MYRIP: variants seen among roughly 807,000 people sequenced by gnomAD.
MYRIP encodes the protein myosin VIIA and Rab interacting protein.
In MYRIP, 49 loss-of-function variants were observed where a neutral mutation model predicts 98.0. The observed-to-expected ratio is 0.50, with a 90% confidence interval of 0.40 to 0.63. MYRIP has a LOEUF of 0.63. Among genes scored for constraint, MYRIP ranks in the 30% least tolerant of loss-of-function variants. The probability of loss-of-function intolerance (pLI) is 0.00; values close to 1 mark genes in which losing one functional copy is unlikely to be tolerated. For missense variants in MYRIP, 1,004 were observed against 1,058.2 expected, an observed-to-expected ratio of 0.95 and a Z score of 0.71; for synonymous variants, 404 against 409.5, an observed-to-expected ratio of 0.99 and a Z score of 0.16.
chr3:40,225,937 G>A (rs1173278107), intron 11 of MYRIP, among the ~76,000 whole-genome samples: 3 of 152,020 alleles, frequency 2.0e-5, no homozygotes. Context: ...CCCTGTTAAC[G>A]TTTCCTGTTA....
chr3:39,888,041 A>C (rs958158334), intron 1 of MYRIP, among the ~76,000 whole-genome samples: 1 of 151,718 alleles, frequency 6.6e-6, no homozygotes, highest in Non-Finnish European at 1.5e-5. Flanking sequence ...ATACAAACAA[A>C]TGGAAGAACA....
At chr3:40,016,985 T>G (rs1262353197) in intron 2 of MYRIP, among the ~76,000 whole-genome samples, 1 of 152,222 alleles carries the variant, frequency 6.6e-6, no homozygotes, top group Non-Finnish European at 1.5e-5. Context: ...GTTCTTGAAC[T>G]CCACATGCAA....
intron 3 of MYRIP, among the ~76,000 whole-genome samples, chr3:40,118,913 C>T (rs1949339805): frequency 6.6e-6 from 1 of 151,824 alleles, no homozygotes; most frequent in African/African-American, 2.4e-5. Context: ...ATGAACTCAT[C>T]CTTTTTTATG....
chr3:40,156,244 T>C (rs1448397050), intron 4 of MYRIP, among the ~76,000 whole-genome samples: 1 of 152,142 alleles, frequency 6.6e-6, no homozygotes, highest in East Asian at 1.9e-4. Context: ...ATTTATTAAA[T>C]AGGGAATCCT....
chr3:40,097,211 C>T, intron 3 of MYRIP, among the ~76,000 whole-genome samples: 1 of 152,214 alleles, frequency 6.6e-6, no homozygotes, highest in South Asian at 2.1e-4. Flanking sequence ...CTCACAACAA[C>T]TCTATAAGGC....
At chr3:40,185,123 T>C (rs1014264798) in intron 9 of MYRIP, among the ~76,000 whole-genome samples, 4 of 152,146 alleles carry the variant, frequency 2.6e-5, no homozygotes, top group African/African-American at 9.7e-5. Context: ...TCTTAGAAAG[T>C]GAATGCCCAC....
At chr3:39,824,613 A>AT (rs1231268401) in intron 1 of MYRIP, among the ~76,000 whole-genome samples, 1 of 149,692 alleles carries the variant, frequency 6.7e-6, no homozygotes, top group Admixed American at 6.6e-5. Flanking sequence ...ATTTTGTTTT[A>AT]TTTTTTGTAG....
chr3:39,911,956 CCTGA>C (rs1458559351), intron 2 of MYRIP, among the ~76,000 whole-genome samples: 1 of 152,204 alleles, frequency 6.6e-6, no homozygotes, highest in Non-Finnish European at 1.5e-5. Context: ...ACAACCTCTC[CCTGA>C]CTGTCAGGGT....
At chr3:40,108,174 T>A (rs1949087041) in intron 3 of MYRIP, among the ~76,000 whole-genome samples, 1 of 138,204 alleles carries the variant, frequency 7.2e-6, no homozygotes, top group African/African-American at 2.7e-5. Context: ...GCAGTGTTTG[T>A]GAGAGAGAGA....
At chr3:40,108,363 T>C (rs925945693) in intron 3 of MYRIP, among the ~76,000 whole-genome samples, 10 of 149,998 alleles carry the variant, frequency 6.7e-5, no homozygotes, top group Non-Finnish European at 1.5e-4. Flanking sequence ...TGATGGGGTC[T>C]GTAGGGGTCT....
chr3:39,977,463 C>T (rs1266572849), intron 2 of MYRIP, among the ~76,000 whole-genome samples: 1 of 152,188 alleles, frequency 6.6e-6, no homozygotes. Flanking sequence ...CCAGTGTATT[C>T]TCTGATGCAT....
intron 3 of MYRIP, among the ~76,000 whole-genome samples, chr3:40,087,061 A>T (rs1158979013): frequency 6.6e-6 from 1 of 152,054 alleles, no homozygotes; most frequent in Non-Finnish European, 1.5e-5. Flanking sequence ...GTGGGCGAAC[A>T]TATTACCACA....
At chr3:40,129,925 T>C (rs1949604143) in intron 3 of MYRIP, among the ~76,000 whole-genome samples, 1 of 152,234 alleles carries the variant, frequency 6.6e-6, no homozygotes, top group South Asian at 2.1e-4. Flanking sequence ...TACACATGTT[T>C]ACAAATTTAC....
At chr3:40,163,346 C>A (rs951674791) in intron 5 of MYRIP, among the ~76,000 whole-genome samples, 1 of 152,066 alleles carries the variant, frequency 6.6e-6, no homozygotes, top group Non-Finnish European at 1.5e-5. Context: ...ACTCTCTATT[C>A]TCTCTTTGGG....
rs1425838995 is a variant in MYRIP at position 40,190,369 on chromosome 3, C to T, written c.1571C>T (p.Ala524Val). 1 of 1,613,818 alleles carries T rather than the reference C, an allele frequency of 6.2e-7. No homozygotes were observed. ...EEAPHTTDRR[A>V]RRWRRARLGS... ...GCCCCCCACACCACAGACCGGCGGG[C>T]CAGGAGGTGGAGAAGAGCCCGACTG... Residue 524 changes from alanine (A) to valine (V), a missense_variant, in exon 10 of 17, where the codon GCC (alanine) becomes GTC (valine). Physicochemically the swap from Ala to Val is moderately conservative, Grantham distance 64 (BLOSUM62 0). Around this residue, in one of 3 missense-constraint regions of MYRIP, gnomAD observed 880 missense variants for 907.7 expected, o/e 0.97. Transcript: ENST00000302541.
At chr3:40,021,252 G>C (rs1320581687) in intron 2 of MYRIP, among the ~76,000 whole-genome samples, 2 of 152,062 alleles carry the variant, frequency 1.3e-5, no homozygotes, top group African/African-American at 2.4e-5. Flanking sequence ...AGTAATAAGG[G>C]AATTTCCAGT....
At chr3:40,121,822 C>G (rs1949412559) in intron 3 of MYRIP, among the ~76,000 whole-genome samples, 1 of 152,028 alleles carries the variant, frequency 6.6e-6, no homozygotes, top group African/African-American at 2.4e-5. Context: ...TTACAACTTT[C>G]AAGTAAAAAA....
chr3:40,208,122 TC>T (rs1020309130), intron 10 of MYRIP, among the ~76,000 whole-genome samples: 40 of 152,238 alleles, frequency 2.6e-4, no homozygotes, highest in African/African-American at 9.1e-4. Context: ...GAGAAATAAT[TC>T]CCTGGATGAT....
At chr3:40,241,230 C>T (rs62261854) in intron 12 of MYRIP, among the ~76,000 whole-genome samples, 1 of 152,162 alleles carries the variant, frequency 6.6e-6, no homozygotes, top group African/African-American at 2.4e-5. Context: ...CCCCACATTG[C>T]CCATGGAGTA....
Sources: gnomAD v4.1 joint callset for allele counts (sites outside exome capture counted in the v4.1 genomes callset) on GRCh38, gnomAD v4.1.1 for gene constraint, gnomAD v4.1.1 regional missense constraint, MANE v1.5 for transcripts, NCBI Gene and HGNC (gene_info 2026-07-23, HGNC 2026-07-21) for gene names.